The following GRIA4 variants were observed in gnomAD, a reference collection of about 807,000 sequenced individuals.
GRIA4 encodes glutamate receptor 4.
Under a neutral mutation model 104.0 loss-of-function variants are expected in GRIA4, and 34 were observed. That is an observed-to-expected ratio of 0.33 (90% CI 0.25 to 0.44). GRIA4 has a LOEUF of 0.44. Among genes scored for constraint, GRIA4 ranks in the 20% least tolerant of loss-of-function variants. The pLI is 1.00. For missense variants in GRIA4, 750 were observed against 1,096.5 expected, an observed-to-expected ratio of 0.68 and a Z score of 4.46; for synonymous variants, 386 against 381.9, an observed-to-expected ratio of 1.01 and a Z score of -0.13.
intron 14 of GRIA4, among the ~76,000 whole-genome samples, chr11:105,969,419 T>C (rs913400461): frequency 6.6e-6 from 1 of 152,146 alleles, no homozygotes; most frequent in Admixed American, 6.6e-5. Flanking sequence ...ATACTAAATA[T>C]CTTATATTCA....
chr11:105,648,625 T>C (rs1207061193), intron 3 of GRIA4, among the ~76,000 whole-genome samples: 1 of 150,810 alleles, frequency 6.6e-6, no homozygotes, highest in Non-Finnish European at 1.5e-5. Context: ...AAGGGAAGGA[T>C]GCAGAGAAAG....
intron 3 of GRIA4, among the ~76,000 whole-genome samples, chr11:105,694,794 A>C (rs770186413): frequency 1.7e-4 from 26 of 152,232 alleles, no homozygotes; most frequent in Non-Finnish European, 3.8e-4. Context: ...TTTTAAATTT[A>C]ACTAAAGTTA....
At chr11:105,825,294 G>T (rs191590060) in intron 4 of GRIA4, among the ~76,000 whole-genome samples, 17 of 152,082 alleles carry the variant, frequency 1.1e-4, no homozygotes, top group African/African-American at 4.1e-4. Context: ...GCAGTCCAGG[G>T]GACATCACTG....
chr11:105,772,691 CAT>C (rs1010277814), intron 4 of GRIA4, among the ~76,000 whole-genome samples: 3 of 151,952 alleles, frequency 2.0e-5, no homozygotes, highest in East Asian at 1.9e-4. Flanking sequence ...CACACACACA[CAT>C]ATTTGCATAT....
At chr11:105,647,350 T>C (rs933237771) in intron 3 of GRIA4, among the ~76,000 whole-genome samples, 1 of 152,182 alleles carries the variant, frequency 6.6e-6, no homozygotes, top group African/African-American at 2.4e-5. Flanking sequence ...GGTGGGAGTG[T>C]AAATTATTTC....
intron 5 of GRIA4, among the ~76,000 whole-genome samples, chr11:105,875,629 G>T (rs1462777804): frequency 6.6e-6 from 1 of 151,888 alleles, no homozygotes; most frequent in Non-Finnish European, 1.5e-5. Context: ...ACTTCTTCCT[G>T]GTTTAGTCTT....
chr11:105,845,573 A>G (rs1335297459), intron 4 of GRIA4, among the ~76,000 whole-genome samples: 1 of 152,170 alleles, frequency 6.6e-6, no homozygotes, highest in African/African-American at 2.4e-5. Flanking sequence ...TTCATCTGAA[A>G]AAAGTATGGA....
At chr11:105,898,016 T>C (rs1289739292) in intron 6 of GRIA4, among the ~76,000 whole-genome samples, 1 of 152,182 alleles carries the variant, frequency 6.6e-6, no homozygotes, top group East Asian at 1.9e-4. Flanking sequence ...ATCAGAGGCA[T>C]TCAAGAAATA....
intron 4 of GRIA4, among the ~76,000 whole-genome samples, chr11:105,786,444 T>C (rs1051749495): frequency 6.6e-6 from 1 of 152,226 alleles, no homozygotes; most frequent in Non-Finnish European, 1.5e-5. Flanking sequence ...AATTTCTCCT[T>C]GTGTGAGTTC....
At chr11:105,974,593 G>T (rs755190623) in intron 16 of GRIA4, 149 bp downstream of exon 16, 6 of 1,592,814 alleles carry the variant, frequency 3.8e-6, no homozygotes, top group Admixed American at 1.7e-5. Context: ...AGTGGGGGAT[G>T]CATCCTGTGA....
intron 4 of GRIA4, among the ~76,000 whole-genome samples, chr11:105,777,609 C>A (rs1175924446): frequency 6.6e-6 from 1 of 151,930 alleles, no homozygotes; most frequent in East Asian, 1.9e-4. Context: ...ATTGTTCAAA[C>A]AATATATCTT....
intron 3 of GRIA4, among the ~76,000 whole-genome samples, chr11:105,656,292 T>C (rs934549231): frequency 1.3e-5 from 2 of 152,122 alleles, no homozygotes; most frequent in African/African-American, 2.4e-5. Flanking sequence ...ATTTAATAAA[T>C]GGTGTTGGGA....
At chr11:105,940,227 T>C (rs1948150279) in intron 14 of GRIA4, among the ~76,000 whole-genome samples, 1 of 151,982 alleles carries the variant, frequency 6.6e-6, no homozygotes, top group Non-Finnish European at 1.5e-5. Context: ...TAGCCAGGCA[T>C]GGTGGTGCAC....
At chr11:105,891,309 T>G (rs193159420) in intron 6 of GRIA4, among the ~76,000 whole-genome samples, 1 of 152,184 alleles carries the variant, frequency 6.6e-6, no homozygotes, top group Admixed American at 6.5e-5. Flanking sequence ...TCCTCAGAGT[T>G]TGGATGTCTC....
At chr11:105,633,807 C>T (rs934020390) in intron 3 of GRIA4, among the ~76,000 whole-genome samples, 9 of 152,104 alleles carry the variant, frequency 5.9e-5, no homozygotes, top group African/African-American at 2.2e-4. Context: ...TTACTATTTA[C>T]AAAACTTTTC....
At chr11:105,738,945 C>CCCA (rs1555113847) in intron 3 of GRIA4, among the ~76,000 whole-genome samples, 3 of 140,184 alleles carry the variant, frequency 2.1e-5, no homozygotes, top group East Asian at 4.2e-4. Flanking sequence ...AAAAAAAAAA[C>CCCA]AAAAAAAACC....
intron 3 of GRIA4, among the ~76,000 whole-genome samples, chr11:105,673,771 C>T (rs920908979): frequency 4.6e-5 from 7 of 151,586 alleles, no homozygotes; most frequent in Non-Finnish European, 7.4e-5. Flanking sequence ...ATTGAATTAA[C>T]GTTTGTTTAA....
intron 3 of GRIA4, among the ~76,000 whole-genome samples, chr11:105,628,599 G>C (rs1390397444): frequency 6.6e-6 from 1 of 152,118 alleles, no homozygotes; most frequent in Non-Finnish European, 1.5e-5. Flanking sequence ...CTTCCACCAT[G>C]ATTGTAAGTT....
chr11:105,973,105 T>G (rs903985578), intron 15 of GRIA4, among the ~76,000 whole-genome samples: 8 of 152,162 alleles, frequency 5.3e-5, no homozygotes, highest in African/African-American at 2.4e-5. Context: ...GTCAGACAAG[T>G]GCAAATACTT....
Sources: gnomAD v4.1 joint callset for allele counts (sites outside exome capture counted in the v4.1 genomes callset) on GRCh38, gnomAD v4.1.1 for gene constraint, MANE v1.5 for transcripts, NCBI Gene and HGNC (gene_info 2026-07-23, HGNC 2026-07-21) for gene names.